ABCC9: variants seen among roughly 807,000 people sequenced by gnomAD.
The protein encoded by ABCC9 is ATP-binding cassette sub-family C member 9.
A neutral mutation model predicts 188.3 loss-of-function variants in ABCC9; 95 were observed. The ratio of observed to expected loss-of-function variants is 0.50; its 90% CI spans 0.43 to 0.60. ABCC9 has a LOEUF of 0.60. Among genes scored for constraint, ABCC9 ranks in the 20% least tolerant of loss-of-function variants. ABCC9 has a pLI of 0.00. For missense variants in ABCC9, 1,102 were observed against 1,876.3 expected (o/e 0.59, Z 7.62); for synonymous variants, 659 against 652.7 (o/e 1.01, Z -0.15).
At chr12:21,912,595 T>C (rs1236625512) in intron 8 of ABCC9, among the ~76,000 whole-genome samples, 2 of 152,120 alleles carry the variant, frequency 1.3e-5, no homozygotes, top group Non-Finnish European at 2.9e-5. Context: ...GCACAATTTC[T>C]ACACAAAGTT....
intron 8 of ABCC9, among the ~76,000 whole-genome samples, chr12:21,912,373 T>C (rs573009695): frequency 2.0e-5 from 3 of 152,010 alleles, no homozygotes; most frequent in Admixed American, 2.0e-4. Flanking sequence ...TATAATAACA[T>C]AATGTCTAAT....
chr12:21,925,162 CTG>C (rs1948998724), intron 5 of ABCC9: 1 of 201,734 alleles, frequency 5.0e-6, no homozygotes, highest in Admixed American at 6.0e-5. Context: ...CATAGCCCAT[CTG>C]TGATTCTTGT....
At chr12:21,834,786 T>TATATAC (rs113973392) in intron 30 of ABCC9, among the ~76,000 whole-genome samples, 15 of 141,508 alleles carry the variant, frequency 1.1e-4, no homozygotes, top group Non-Finnish European at 1.8e-4. Flanking sequence ...TATAACATTA[T>TATATAC]ACACACACAC....
In ABCC9 at chr12:21,848,144, A is replaced by C. The variant is rs1272369134; in HGVS notation, c.2866+6T>G. ...GAATGTTCCAGATAAAAGAAAAAAG[A>C]TCTACCTTCGTCTTCGTCCTCCATC... On this transcript the variant is annotated splice_donor_region_variant and intron_variant, in intron 25 of 39. Transcript: ENST00000261200. 1.2e-6 allele frequency: 2 copies of C among 1,612,472 alleles called. No individual in the cohort carries two copies. Among genetic ancestry groups the C allele is most frequent in the East Asian group, 2.2e-5 (1 of 44,878 alleles).
At chr12:21,899,882 G>C (rs532680692) in intron 12 of ABCC9, among the ~76,000 whole-genome samples, 1 of 152,302 alleles carries the variant, frequency 6.6e-6, no homozygotes, top group East Asian at 1.9e-4. Flanking sequence ...CCACCTCTGG[G>C]GGCAGGGCAT....
At chr12:21,834,617 A>T (rs1461079357) in intron 30 of ABCC9, among the ~76,000 whole-genome samples, 1 of 151,986 alleles carries the variant, frequency 6.6e-6, no homozygotes, top group Non-Finnish European at 1.5e-5. Context: ...GGCCTCTCCT[A>T]TCTGGATATA....
intron 34 of ABCC9, among the ~76,000 whole-genome samples, chr12:21,815,052 G>A (rs1942511934): frequency 1.3e-5 from 2 of 152,020 alleles, no homozygotes; most frequent in South Asian, 4.1e-4. Flanking sequence ...ATGTGGTGGT[G>A]TGTGCCTGTA....
chr12:21,859,492 C>A lies in ABCC9; in HGVS notation c.2505+94G>T, dbSNP rs1422215328. The stretch of plus-strand genomic sequence containing the variant: ...TTTACGATTTCACAAGTTAAACCAT[C>A]TTTCCTTGAGTTACTTGACTTACAC... On this transcript the variant is annotated intron_variant, in intron 22 of 39. Coordinates refer to ENST00000261200, the MANE Select transcript of ABCC9 (RefSeq NM_020297.4). The A allele has an allele frequency of 5.6e-6, 7 of 1,249,182 alleles. 1 individual carries two copies. The highest frequency in any genetic ancestry group is 8.2e-6 in the Non-Finnish European group (7 of 848,622). The allele number at this position is 1,249,182 out of a possible 1,614,324, so 77.4% of individuals were successfully genotyped here.
chr12:21,847,733 A>G (rs1038859624), intron 25 of ABCC9, among the ~76,000 whole-genome samples: 1 of 152,184 alleles, frequency 6.6e-6, no homozygotes, highest in Non-Finnish European at 1.5e-5. Context: ...TGAAAACCTC[A>G]TGAAGATGAA....
In ABCC9 at chr12:21,797,591, A is replaced by G. The variant is rs555743723; in HGVS notation, c.*3453T>C. The stretch of plus-strand genomic sequence containing the variant: ...GGCAGTAAAACTAATCAGTGAATCA[A>G]TCAACCCTACTGTGGGTTAGGCACT... On this transcript the variant is annotated 3_prime_UTR_variant, in exon 40 of 40. Coordinates refer to ENST00000261200, the MANE Select transcript of ABCC9 (RefSeq NM_020297.4). The G allele has an allele frequency of 1.2e-4, 18 of 152,332 alleles. No homozygotes were observed. The highest frequency in any genetic ancestry group is 3.8e-4 in the African/African-American group (16 of 41,586). 9.4% of individuals were successfully genotyped at this position (152,332 alleles called of 1,614,324 possible).
At chr12:21,883,622 C>G (rs1946731751) in intron 15 of ABCC9, among the ~76,000 whole-genome samples, 2 of 152,242 alleles carry the variant, frequency 1.3e-5, no homozygotes, top group South Asian at 2.1e-4. Context: ...ATTGATAATT[C>G]TCTGAATCAT....
chr12:21,932,467 C>T lies in ABCC9; in HGVS notation c.284+1315G>A, dbSNP rs143792092. ...CCTGCACAGCAAAAGAAACTATCAA[C>T]AGAGTAAAAAGACAACCTACAAAAT... On this transcript the variant is annotated intron_variant, in intron 4 of 39. Coordinates refer to ENST00000261200, the MANE Select transcript of ABCC9 (RefSeq NM_020297.4). 2.8e-3 allele frequency among the ~76,000 whole-genome samples: 431 copies of T among 152,070 alleles called. 2 individuals carry two copies. Among genetic ancestry groups the T allele is most frequent in the African/African-American group, 9.9e-3 (413 of 41,520 alleles).
intron 5 of ABCC9, among the ~76,000 whole-genome samples, chr12:21,919,527 A>G (rs1948725179): frequency 6.6e-6 from 1 of 151,988 alleles, no homozygotes; most frequent in African/African-American, 2.4e-5. Context: ...ATTAGACAAT[A>G]TATTTACTAA....
chr12:21,804,239 G>A (rs1941683817), intron 39 of ABCC9, among the ~76,000 whole-genome samples: 1 of 152,150 alleles, frequency 6.6e-6, no homozygotes, highest in Admixed American at 6.5e-5. Context: ...GAGAAATTAG[G>A]TAAGAGGTAA....
chr12:21,891,623 A>G (rs890681782), intron 14 of ABCC9, among the ~76,000 whole-genome samples: 38 of 152,190 alleles, frequency 2.5e-4, no homozygotes, highest in Non-Finnish European at 5.1e-4. Flanking sequence ...AGAATTGAAC[A>G]TGGTATGGAA....
rs1480763006 is a variant in ABCC9 at position 21,799,665 on chromosome 12, A to G, written c.*1379T>C. 1 of 152,224 alleles carries G rather than the reference A, an allele frequency of 6.6e-6. No individual in the cohort carries two copies. Among genetic ancestry groups the G allele is most frequent in the African/African-American group, 2.4e-5 (1 of 41,452 alleles). 9.4% of individuals were successfully genotyped at this position (152,224 alleles called of 1,614,324 possible). On this transcript the variant is annotated 3_prime_UTR_variant, in exon 40 of 40. Transcript: ENST00000261200. ...TTTCCAAGAGTGAATACACCATACA[A>G]TAAACAGAACACAGAAACTATAGGA...
chr12:21,870,572 C>G (rs914707305), intron 18 of ABCC9, among the ~76,000 whole-genome samples: 1 of 152,072 alleles, frequency 6.6e-6, no homozygotes, highest in Non-Finnish European at 1.5e-5. Context: ...TTTCACAGCT[C>G]TCTCCAAAAA....
chr12:21,818,837 A>T (rs1942850956), intron 31 of ABCC9, among the ~76,000 whole-genome samples: 1 of 151,796 alleles, frequency 6.6e-6, no homozygotes, highest in Non-Finnish European at 1.5e-5. Context: ...TATTAGGTTG[A>T]TGCAACAGTA....
At chr12:21,820,210 A>C (rs1942954645) in intron 31 of ABCC9, among the ~76,000 whole-genome samples, 1 of 152,130 alleles carries the variant, frequency 6.6e-6, no homozygotes, top group South Asian at 2.1e-4. Flanking sequence ...GTAAATTAGT[A>C]CCAGAAAATC....
Sources: allele counts gnomAD v4.1 joint callset (sites outside exome capture counted in the v4.1 genomes callset), GRCh38; gene constraint gnomAD v4.1.1; transcripts MANE v1.5; gene names NCBI Gene and HGNC (gene_info 2026-07-23, HGNC 2026-07-21).